Variants in RAB40B observed in about 807,000 individuals in gnomAD.
The protein encoded by RAB40B is RAB40B, member RAS oncogene family.
RAB40B carries 21 observed loss-of-function variants against 24.0 expected under a neutral mutation model. That is an observed-to-expected ratio of 0.88 (90% CI 0.62 to 1.26). RAB40B has a LOEUF of 1.26. RAB40B is among the 50% of genes most tolerant of loss of function. RAB40B has a pLI of 0.00. For missense variants in RAB40B, 348 were observed against 390.5 expected, an observed-to-expected ratio of 0.89 and a Z score of 0.92; for synonymous variants, 167 against 169.8, an observed-to-expected ratio of 0.98 and a Z score of 0.13.
chr17:82,674,116 G>A (rs867438299), intron 1 of RAB40B, among the ~76,000 whole-genome samples: 18 of 152,144 alleles, frequency 1.2e-4, no homozygotes, highest in Non-Finnish European at 1.8e-4. Context: ...CGAGGCGGGC[G>A]GATCACCTGA....
At chr17:82,695,686 G>A (rs2046602458) in intron 1 of RAB40B, among the ~76,000 whole-genome samples, 1 of 151,140 alleles carries the variant, frequency 6.6e-6, no homozygotes, top group Non-Finnish European at 1.5e-5. Context: ...ACTCCAGCCT[G>A]GGCGGCAGAG....
chr17:82,678,878 CGTTT>C (rs2046420496), intron 1 of RAB40B, among the ~76,000 whole-genome samples: 1 of 91,500 alleles, frequency 1.1e-5, no homozygotes, highest in Non-Finnish European at 2.1e-5. Flanking sequence ...TCCCTTTCTG[CGTTT>C]TTTTTTTTTT....
chr17:82,689,071 GT>G lies in RAB40B; in HGVS notation c.142+9383del, dbSNP rs1455751685. Among the ~76,000 whole-genome samples the G allele has an allele frequency of 2.0e-5, 3 of 152,352 alleles. No individual in the cohort carries two copies. The East Asian group carries it at 5.8e-4, about 29-fold the overall frequency. ...TAAGCTGAAGAATCCTGGGAATAAAGTTTAAAATAAAGGTTAAAAACATCTC... is the reference window on the plus strand; with the variant it reads ...TAAGCTGAAGAATCCTGGGAATAAAGTTAAAATAAAGGTTAAAAACATCTC... On this transcript the variant is annotated intron_variant, in intron 1 of 5. Transcript: ENST00000571995.
In RAB40B at chr17:82,674,324, G is replaced by GCA. The variant is rs1272313813; in HGVS notation, c.143-9769_143-9768insTG. Reference sequence around the variant, plus strand: ...ATTGCACTCCAGCCTGGGCAAAAAAGAGTGAAACTCCGTCTCAAAAGAAAA... The same window carrying GCA: ...ATTGCACTCCAGCCTGGGCAAAAAAGCAAGTGAAACTCCGTCTCAAAAGAAAA... On this transcript the variant is annotated intron_variant, in intron 1 of 5. Transcript: ENST00000571995. 2.9e-4 allele frequency among the ~76,000 whole-genome samples: 44 copies of GCA among 150,184 alleles called. 2 individuals carry two copies. Among genetic ancestry groups the GCA allele is most frequent in the South Asian group, 4.2e-4 (2 of 4,728 alleles).
At chr17:82,695,781 A>G (rs1026686168) in intron 1 of RAB40B, among the ~76,000 whole-genome samples, 1 of 152,106 alleles carries the variant, frequency 6.6e-6, no homozygotes, top group Non-Finnish European at 1.5e-5. Flanking sequence ...TCTTAACTCT[A>G]AAACAAATAT....
At chr17:82,693,530 T>G (rs1365030266) in intron 1 of RAB40B, among the ~76,000 whole-genome samples, 1 of 152,192 alleles carries the variant, frequency 6.6e-6, no homozygotes, top group African/African-American at 2.4e-5. Flanking sequence ...GACATTTGCG[T>G]GCCTGATACC....
chr17:82,661,390 A>T (rs1353883830), intron 2 of RAB40B: 1 of 610,568 alleles, frequency 1.6e-6, no homozygotes, highest in Non-Finnish European at 2.1e-6. Context: ...GTGGGTCTAC[A>T]CCAGGGGAGA....
rs2046389121 is a variant in RAB40B, at chr17:82,675,888, C to T, written c.143-11332G>A. Among the ~76,000 whole-genome samples, 2 of 152,200 alleles carry T rather than the reference C, an allele frequency of 1.3e-5. No homozygotes were observed. The highest frequency in any genetic ancestry group is 2.9e-5 in the Non-Finnish European group (2 of 67,980). ...GAGATAAAACCTTAAAAAACAGTGC[C>T]CTCCATCTGCTACGTGGGTCCTTCT... On this transcript the variant is annotated intron_variant, in intron 1 of 5. Coordinates refer to ENST00000571995, the MANE Select transcript of RAB40B (RefSeq NM_006822.3). The surrounding 1 kb of genome is among the most constrained non-coding windows in gnomAD (Gnocchi z 4.5).
At chr17:82,670,394 A>C (rs926761148) in intron 1 of RAB40B, among the ~76,000 whole-genome samples, 1 of 152,068 alleles carries the variant, frequency 6.6e-6, no homozygotes, top group Non-Finnish European at 1.5e-5. Flanking sequence ...CATGTTATCC[A>C]GGTTGGTTGC....
intron 2 of RAB40B, among the ~76,000 whole-genome samples, chr17:82,662,924 G>C (rs915733547): frequency 3.9e-5 from 6 of 152,166 alleles, no homozygotes; most frequent in Admixed American, 1.3e-4. Flanking sequence ...GCGTGGGGCC[G>C]AGTGCGGCCT....
At chr17:82,679,981 G>T (rs919617674) in intron 1 of RAB40B, among the ~76,000 whole-genome samples, 9 of 152,230 alleles carry the variant, frequency 5.9e-5, no homozygotes, top group African/African-American at 2.2e-4. Flanking sequence ...GGGACAGAGG[G>T]GCCAGATCCC....
intron 4 of RAB40B, 80 bp from the exon 5 acceptor site, chr17:82,658,793 C>G: frequency 7.7e-7 from 1 of 1,300,944 alleles, no homozygotes; most frequent in Non-Finnish European, 1.1e-6. Context: ...TGCTCTGGGT[C>G]GAGGAACCCC....
At chr17:82,682,804 C>A (rs543278451) in intron 1 of RAB40B, among the ~76,000 whole-genome samples, 2 of 152,262 alleles carry the variant, frequency 1.3e-5, no homozygotes, top group East Asian at 3.9e-4. Context: ...AATTAGACAT[C>A]CCTGTGCAAA....
At chr17:82,661,919 A>G (rs1172600462) in intron 2 of RAB40B, 2 of 984,458 alleles carry the variant, frequency 2.0e-6, no homozygotes, top group Non-Finnish European at 2.4e-6. Context: ...AGGAAGAAAC[A>G]AATGAGGGTG....
intron 1 of RAB40B, among the ~76,000 whole-genome samples, chr17:82,688,348 C>T (rs962127923): frequency 6.6e-6 from 1 of 151,794 alleles, no homozygotes; most frequent in African/African-American, 2.4e-5. Context: ...GGCACGGTAG[C>T]TCACGCCTGT....
At chr17:82,695,448 C>T (rs1323181270) in intron 1 of RAB40B, among the ~76,000 whole-genome samples, 1 of 151,328 alleles carries the variant, frequency 6.6e-6, no homozygotes, top group Non-Finnish European at 1.5e-5. Context: ...CCTTGGCCTC[C>T]CCAAGTGCTG....
At chr17:82,660,276 C>T (rs1172662270) in intron 3 of RAB40B, among the ~76,000 whole-genome samples, 1 of 150,574 alleles carries the variant, frequency 6.6e-6, no homozygotes, top group African/African-American at 2.5e-5. Flanking sequence ...CAGGCAAGCA[C>T]ACACGTACAC....
chr17:82,671,170 C>T (rs569894318), intron 1 of RAB40B, among the ~76,000 whole-genome samples: 2,899 of 149,538 alleles, frequency 0.019, 73 homozygotes, highest in African/African-American at 0.069. Flanking sequence ...CACACACATC[C>T]TGTACTCACT....
chr17:82,670,047 C>A (rs975884268), intron 1 of RAB40B, among the ~76,000 whole-genome samples: 1 of 152,128 alleles, frequency 6.6e-6, no homozygotes, highest in African/African-American at 2.4e-5. Context: ...TGTCTCCAGA[C>A]GAAGGGACAC....
Sources: allele counts gnomAD v4.1 joint callset (sites outside exome capture counted in the v4.1 genomes callset), GRCh38; gene constraint gnomAD v4.1.1; non-coding constraint Gnocchi (gnomAD v3.1); transcripts MANE v1.5; gene names NCBI Gene and HGNC (gene_info 2026-07-23, HGNC 2026-07-21).